PTPRE: variants seen among roughly 807,000 people sequenced by gnomAD.
PTPRE encodes receptor-type tyrosine-protein phosphatase epsilon.
Under a neutral mutation model 102.0 loss-of-function variants are expected in PTPRE, and 51 were observed. That is an observed-to-expected ratio of 0.50 (90% confidence interval 0.40 to 0.63). The LOEUF (loss-of-function observed/expected upper bound fraction) is 0.63, where lower values mean the gene tolerates loss of function less well. PTPRE is among the 30% of genes least tolerant of loss of function. The pLI, the probability that PTPRE is intolerant of heterozygous loss-of-function variation, is 0.00. For synonymous variants in PTPRE, 345 were observed against 348.2 expected (o/e 0.99, Z 0.10); for missense variants, 752 against 915.1 (o/e 0.82, Z 2.30).
intron 6 of PTPRE, 88 bp from the exon 7 acceptor site, chr10:128,056,035 C>T: frequency 9.3e-7 from 1 of 1,075,396 alleles, no homozygotes; most frequent in East Asian, 2.4e-5. Flanking sequence ...CACGTGTTTT[C>T]ATTAATTCCT....
intron 2 of PTPRE, among the ~76,000 whole-genome samples, chr10:128,032,570 G>A (rs949315862): frequency 6.6e-6 from 1 of 152,200 alleles, no homozygotes; most frequent in African/African-American, 2.4e-5. Flanking sequence ...CAGGTTAGAA[G>A]AGAAAAAGTG....
intron 2 of PTPRE, among the ~76,000 whole-genome samples, chr10:128,037,965 T>C (rs1847362736): frequency 1.4e-5 from 2 of 145,260 alleles, no homozygotes; most frequent in South Asian, 4.3e-4. Context: ...TAATTTTTTT[T>C]TTTTTTTTTT....
intron 1 of PTPRE, among the ~76,000 whole-genome samples, chr10:127,928,487 C>G (rs1180136769): frequency 6.6e-6 from 1 of 152,198 alleles, no homozygotes; most frequent in Non-Finnish European, 1.5e-5. Flanking sequence ...ATTGATGTAT[C>G]CTTCCTTCTT....
chr10:128,037,957 ATTTTTTTT>A (rs34089996), intron 2 of PTPRE, among the ~76,000 whole-genome samples: 4 of 115,956 alleles, frequency 3.4e-5, no homozygotes, highest in Admixed American at 9.6e-5. Flanking sequence ...TGTCCGGCTA[ATTTTTTTT>A]TTTTTTTTTT....
chr10:127,935,277 G>C (rs1287637639), intron 1 of PTPRE, among the ~76,000 whole-genome samples: 1 of 152,180 alleles, frequency 6.6e-6, no homozygotes, highest in Non-Finnish European at 1.5e-5. Context: ...CTGGCGGCAG[G>C]ATGCGGTTGC....
At chr10:128,002,771 C>A (rs556573404) in intron 2 of PTPRE, among the ~76,000 whole-genome samples, 1 of 129,756 alleles carries the variant, frequency 7.7e-6, no homozygotes, top group Non-Finnish European at 1.5e-5. Context: ...GGTGCGATCA[C>A]GGCTCTTGAC....
chr10:128,076,480 GTT>G, intron 17 of PTPRE, 121 bp from the exon 18 acceptor site: 4 of 797,834 alleles, frequency 5.0e-6, no homozygotes, highest in East Asian at 3.3e-5. Flanking sequence ...ATATTCATAT[GTT>G]TTTTTTTTTG....
intron 1 of PTPRE, among the ~76,000 whole-genome samples, chr10:127,947,122 C>T (rs1479666062): frequency 1.3e-5 from 2 of 151,428 alleles, no homozygotes; most frequent in African/African-American, 2.4e-5. Flanking sequence ...GGGACAGCCA[C>T]GAAAATGTGA....
At chr10:128,034,331 C>A (rs935471844) in intron 2 of PTPRE, among the ~76,000 whole-genome samples, 57 of 151,782 alleles carry the variant, frequency 3.8e-4, no homozygotes, top group Admixed American at 2.6e-3. Context: ...CACCACCCCC[C>A]CCACCGACAC....
chr10:127,939,896 G>A (rs918893926), intron 1 of PTPRE, among the ~76,000 whole-genome samples: 2 of 150,046 alleles, frequency 1.3e-5, no homozygotes, highest in Non-Finnish European at 3.0e-5. Flanking sequence ...GCAGGTGAGG[G>A]CAGATGCAGG....
At chr10:128,053,598 A>G (rs1424428036) in intron 6 of PTPRE, among the ~76,000 whole-genome samples, 1 of 151,976 alleles carries the variant, frequency 6.6e-6, no homozygotes, top group East Asian at 1.9e-4. Flanking sequence ...GCCCCTCCCC[A>G]CTTCAACTTT....
intron 1 of PTPRE, among the ~76,000 whole-genome samples, chr10:127,957,643 A>G (rs1282505459): frequency 1.3e-5 from 2 of 152,166 alleles, no homozygotes; most frequent in African/African-American, 4.8e-5. Context: ...TCAGTCCTCC[A>G]ACTCTGTTCT....
intron 6 of PTPRE, among the ~76,000 whole-genome samples, chr10:128,052,083 T>C (rs1848606725): frequency 6.6e-6 from 1 of 152,108 alleles, no homozygotes; most frequent in Admixed American, 6.5e-5. Flanking sequence ...AGGCTGTGCT[T>C]TTCTGCTCAT....
intron 2 of PTPRE, among the ~76,000 whole-genome samples, chr10:128,002,046 A>G (rs985204863): frequency 6.6e-6 from 1 of 152,182 alleles, no homozygotes; most frequent in Non-Finnish European, 1.5e-5. Flanking sequence ...TTGGTAGAGC[A>G]CAGCCACTGC....
At chr10:127,908,675 G>GC (rs1564788051) in intron 1 of PTPRE, among the ~76,000 whole-genome samples, 14 of 152,304 alleles carry the variant, frequency 9.2e-5, no homozygotes, top group Admixed American at 9.2e-4. Context: ...GGCCCAAGAG[G>GC]TGGGGGCTGC....
chr10:128,040,893 G>C lies in PTPRE; in HGVS notation c.12G>C (p.Leu4Phe). 3 of 1,614,010 alleles carry C rather than the reference G, an allele frequency of 1.9e-6. No homozygotes were observed. The highest frequency in any genetic ancestry group is 2.5e-6 in the Non-Finnish European group (3 of 1,179,978). Residue 4 changes from leucine (L) to phenylalanine (F), a missense_variant, in exon 3 of 21, where the codon TTG becomes TTC. Transcript: ENST00000254667. ...TCTGCAGGTCCACCATGGAGCCCTT[G>C]TGTCCACTCCTGCTGGTGGGTTTTA... MEP[L>F]CPLLLVGFSL...
intron 4 of PTPRE, 34 bp downstream of exon 4, chr10:128,047,523 C>T: frequency 1.9e-6 from 3 of 1,612,884 alleles, no homozygotes; most frequent in Non-Finnish European, 2.5e-6. Flanking sequence ...CTTGCCCCAA[C>T]CAGCTCAGAG....
At chr10:127,997,484 C>T (rs1853391471) in intron 2 of PTPRE, among the ~76,000 whole-genome samples, 1 of 152,208 alleles carries the variant, frequency 6.6e-6, no homozygotes. Context: ...TTGAATAGTA[C>T]ATCCTTCAGG....
chr10:127,978,541 A>G (rs1262785710), intron 1 of PTPRE, among the ~76,000 whole-genome samples: 4 of 147,406 alleles, frequency 2.7e-5, no homozygotes, highest in Non-Finnish European at 5.9e-5. Flanking sequence ...ACCCTCTCTC[A>G]GTTTAAGAAA....
Sources: allele counts gnomAD v4.1 joint callset (sites outside exome capture counted in the v4.1 genomes callset), GRCh38; gene constraint gnomAD v4.1.1; transcripts MANE v1.5; gene names NCBI Gene and HGNC (gene_info 2026-07-23, HGNC 2026-07-21).